Variants in RAB6B observed in about 807,000 individuals in gnomAD.
RAB6B encodes ras-related protein Rab-6B.
Under a neutral mutation model 31.2 loss-of-function variants are expected in RAB6B, and 7 were observed. That is an observed-to-expected ratio of 0.22 (90% CI 0.13 to 0.42). The LOEUF (loss-of-function observed/expected upper bound fraction) is 0.42. RAB6B is among the 10% of genes least tolerant of loss of function. RAB6B has a pLI of 1.00. For missense variants in RAB6B, 149 were observed against 280.6 expected (o/e 0.53, Z 3.35); for synonymous variants, 105 against 104.9 (o/e 1.00, Z -0.01).
rs76878784 is a variant in RAB6B at position 133,862,269 on chromosome 3, T to C, written c.129+2315A>G. Among the ~76,000 whole-genome samples the C allele has an allele frequency of 6.6e-4, 100 of 152,288 alleles. 2 individuals carry two copies. In the East Asian group the frequency reaches 0.017, roughly 26 times the overall value. On this transcript the variant is annotated intron_variant, in intron 2 of 7. Transcript: ENST00000285208. ...CGAGGCCAACTCTCCATGCTGTTTT[T>C]TTTGTGTGTGTGCCAGCAGGCACTG... is the stretch of plus-strand genomic sequence containing the variant.
At chr3:133,874,739 TAC>T (rs1300878537) in intron 1 of RAB6B, among the ~76,000 whole-genome samples, 1 of 152,244 alleles carries the variant, frequency 6.6e-6, no homozygotes, top group Non-Finnish European at 1.5e-5. Context: ...TTAAAATACA[TAC>T]ACTGTACAGC....
intron 2 of RAB6B, among the ~76,000 whole-genome samples, chr3:133,861,481 A>G (rs1019670581): frequency 6.6e-6 from 1 of 152,204 alleles, no homozygotes; most frequent in African/African-American, 2.4e-5. Flanking sequence ...AGAGGTCTGT[A>G]GAACCCAGCT....
At chr3:133,875,382 C>T (rs543983273) in intron 1 of RAB6B, among the ~76,000 whole-genome samples, 10 of 152,232 alleles carry the variant, frequency 6.6e-5, no homozygotes, top group South Asian at 4.1e-4. Flanking sequence ...AGAACACATA[C>T]AAGCACAGGG....
Position 133,828,401 on chromosome 3 carries a change from G to A in RAB6B, c.*387C>T, listed in dbSNP as rs2293374. Reference sequence around the variant, plus strand: ...TCAAAGAGAACAGGAAGGAGGAGGTGTGTGGAAAAGGTTCTCTATAAGTTT... The same window carrying A: ...TCAAAGAGAACAGGAAGGAGGAGGTATGTGGAAAAGGTTCTCTATAAGTTT... On this transcript the variant is annotated 3_prime_UTR_variant, in exon 8 of 8. Transcript: ENST00000285208. The A allele has an allele frequency of 0.16, 55,806 of 355,268 alleles. 5,841 individuals carry two copies. The highest frequency in any genetic ancestry group is 0.4 in the East Asian group (5,559 of 14,020). 22.0% of individuals were successfully genotyped at this position (355,268 alleles called of 1,614,324 possible).
At chr3:133,894,496 A>G (rs779635366) in intron 1 of RAB6B, 2 of 152,296 alleles carry the variant, frequency 1.3e-5, no homozygotes, top group African/African-American at 4.8e-5. Flanking sequence ...CCCTCCCCCA[A>G]GAAGGGCGGT....
Position 133,827,787 on chromosome 3 carries a change from C to T in RAB6B, c.*1001G>A. On this transcript the variant is annotated 3_prime_UTR_variant, in exon 8 of 8. Coordinates refer to ENST00000285208, the MANE Select transcript of RAB6B (RefSeq NM_016577.4). ...GCCTCCCCATCACAGAGGATCAACT[C>T]CAGGTGGTCCAGCTTCCCTGACATC... is the stretch of plus-strand genomic sequence containing the variant. 3.3e-6 allele frequency: 1 copy of T among 301,914 alleles called. No individual in the cohort carries two copies. The highest frequency in any genetic ancestry group is 2.7e-5 in the South Asian group (1 of 37,250). The allele number at this position is 301,914 out of a possible 1,614,324, so 18.7% of individuals were successfully genotyped here.
chr3:133,865,500 G>A (rs905439062), intron 1 of RAB6B, among the ~76,000 whole-genome samples: 2 of 152,246 alleles, frequency 1.3e-5, no homozygotes, highest in Non-Finnish European at 2.9e-5. Context: ...TGGGGTGGGG[G>A]AAGAGGGCAG....
chr3:133,834,463 C>G, intron 7 of RAB6B, 112 bp downstream of exon 7: 2 of 1,216,404 alleles, frequency 1.6e-6, no homozygotes, highest in Non-Finnish European at 1.2e-6. Flanking sequence ...TCGCGGCAGA[C>G]CAGGGAAGGC....
Position 133,839,503 on chromosome 3 carries a change from T to C in RAB6B, c.401+3A>G. The stretch of plus-strand genomic sequence containing the variant: ...CCCTGCACCTGTGTGCCCTTGCACC[T>C]ACCTCTTATCAGCCAGGTCCGTCTT... On this transcript the variant is annotated splice_donor_region_variant and intron_variant, in intron 5 of 7. Transcript: ENST00000285208. 1 of 1,610,624 alleles carries C rather than the reference T, an allele frequency of 6.2e-7. No homozygotes were observed. Among genetic ancestry groups the C allele is most frequent in the South Asian group, 1.1e-5 (1 of 91,000 alleles).
chr3:133,858,023 C>A (rs1936106406), intron 2 of RAB6B, among the ~76,000 whole-genome samples: 1 of 152,154 alleles, frequency 6.6e-6, no homozygotes, highest in Non-Finnish European at 1.5e-5. Flanking sequence ...CTGGTCCCGG[C>A]CCAGCCCCTC....
At chr3:133,882,978 T>C (rs72976402) in intron 1 of RAB6B, among the ~76,000 whole-genome samples, 8,227 of 152,298 alleles carry the variant, frequency 0.054, 560 homozygotes, top group African/African-American at 0.16. Flanking sequence ...TTTCCAGATC[T>C]TGGTGCCACA....
chr3:133,883,921 C>T (rs1361930366), intron 1 of RAB6B, among the ~76,000 whole-genome samples: 1 of 152,186 alleles, frequency 6.6e-6, no homozygotes, highest in African/African-American at 2.4e-5. Context: ...CCAGAGGAGG[C>T]TGGAAGAGGT....
chr3:133,841,417 G>GCAGAGGGGT, intron 3 of RAB6B, 27 bp from the exon 4 acceptor site: 1 of 1,611,292 alleles, frequency 6.2e-7, no homozygotes. Context: ...AGGACCATGG[G>GCAGAGGGGT]CAGAGGGGTC....
At chr3:133,860,003 G>A (rs1326631818) in intron 2 of RAB6B, among the ~76,000 whole-genome samples, 2 of 152,192 alleles carry the variant, frequency 1.3e-5, no homozygotes, top group South Asian at 2.1e-4. Flanking sequence ...CGAGATGCTG[G>A]GCAGGAGGCA....
intron 2 of RAB6B, among the ~76,000 whole-genome samples, chr3:133,857,225 C>CAT (rs1936093756): frequency 6.6e-6 from 1 of 152,038 alleles, no homozygotes; most frequent in African/African-American, 2.4e-5. Context: ...CTATATGAGC[C>CAT]ATAGTTCAAA....
At chr3:133,859,983 C>T (rs1247424174) in intron 2 of RAB6B, among the ~76,000 whole-genome samples, 1 of 152,184 alleles carries the variant, frequency 6.6e-6, no homozygotes, top group African/African-American at 2.4e-5. Flanking sequence ...GGGAAATGGC[C>T]TCACCAGGTC....
intron 1 of RAB6B, among the ~76,000 whole-genome samples, chr3:133,877,106 C>G (rs1936407693): frequency 6.6e-6 from 1 of 152,236 alleles, no homozygotes; most frequent in African/African-American, 2.4e-5. Flanking sequence ...TCAGAAAATT[C>G]CAGGCCACAG....
chr3:133,841,292 G>A lies in RAB6B; in HGVS notation c.282C>T (p.Asp94=), dbSNP rs375468458. ...RDSTVAVVVY[D]ITNLNSFQQT... Reference sequence around the variant, plus strand: ...GAGCAGAGCCTCACTCACTTGTGATGTCGTACACCACCACAGCCACCGTGG... The same window carrying A: ...GAGCAGAGCCTCACTCACTTGTGATATCGTACACCACCACAGCCACCGTGG... The change falls in exon 4 of 8, where the codon GAC becomes GAT. Residue 94 remains aspartate (D), a synonymous_variant. Transcript: ENST00000285208. The A allele has an allele frequency of 4.3e-6, 7 of 1,614,142 alleles. No homozygotes were observed. The highest frequency in any genetic ancestry group is 5.9e-6 in the Non-Finnish European group (7 of 1,180,002).
chr3:133,883,413 C>A (rs1936495553), intron 1 of RAB6B, among the ~76,000 whole-genome samples: 1 of 152,200 alleles, frequency 6.6e-6, no homozygotes, highest in Non-Finnish European at 1.5e-5. Context: ...CCATGGGAAC[C>A]TCCAGCCTTT....
Sources: allele counts gnomAD v4.1 joint callset (sites outside exome capture counted in the v4.1 genomes callset), GRCh38; gene constraint gnomAD v4.1.1; transcripts MANE v1.5; gene names NCBI Gene and HGNC (gene_info 2026-07-23, HGNC 2026-07-21).